Variants in XAF1 observed in about 807,000 individuals in gnomAD.
XAF1 encodes the protein XIAP-associated factor 1.
Under a neutral mutation model 32.3 loss-of-function variants are expected in XAF1, and 32 were observed. The observed-to-expected ratio is 0.99, with a 90% CI of 0.75 to 1.33. The LOEUF (loss-of-function observed/expected upper bound fraction) is 1.33, where lower values mean the gene tolerates loss of function less well. Ranked by LOEUF, XAF1 falls within the 40% of genes most tolerant of loss-of-function variation. XAF1 has a pLI of 0.00. For missense variants in XAF1, 379 were observed against 366.0 expected (o/e 1.04, Z -0.29); for synonymous variants, 120 against 125.9 (o/e 0.95, Z 0.31).
chr17:6,760,034 C>T (rs903801232), intron 3 of XAF1, among the ~76,000 whole-genome samples: 22 of 152,288 alleles, frequency 1.4e-4, no homozygotes, highest in African/African-American at 5.3e-4. Context: ...GGCACAAGTC[C>T]TTGATCTGCC....
intron 1 of XAF1, among the ~76,000 whole-genome samples, chr17:6,757,785 T>A (rs1974809209): frequency 6.6e-6 from 1 of 152,146 alleles, no homozygotes; most frequent in Non-Finnish European, 1.5e-5. Flanking sequence ...GTAATTGAGA[T>A]AATGAAGCTT....
chr17:6,755,997 G>A, upstream of XAF1: 1 of 1,610,744 alleles, frequency 6.2e-7, no homozygotes, highest in Non-Finnish European at 8.5e-7. Context: ...GAAGCTGTGG[G>A]CTGGGCCATC....
At chr17:6,758,709 C>T (rs1455434778) in intron 2 of XAF1, 1 of 284,304 alleles carries the variant, frequency 3.5e-6, no homozygotes, top group Admixed American at 5.3e-5. Flanking sequence ...GGGTCCAGTC[C>T]TCCCTGCAGG....
At chr17:6,766,253 C>T (rs1567657398) in intron 5 of XAF1, among the ~76,000 whole-genome samples, 1 of 152,160 alleles carries the variant, frequency 6.6e-6, no homozygotes, top group South Asian at 2.1e-4. Context: ...TAGCATTTGC[C>T]AACTTCTAAC....
At chr17:6,758,295 G>C in intron 2 of XAF1, 71 bp downstream of exon 2, 1 of 1,585,052 alleles carries the variant, frequency 6.3e-7, no homozygotes, top group Non-Finnish European at 8.6e-7. Flanking sequence ...CAGGTGAGAT[G>C]GGGTCTGAGA....
At chr17:6,759,400 C>T (rs903369074) in intron 2 of XAF1, 10 of 1,371,140 alleles carry the variant, frequency 7.3e-6, no homozygotes, top group Non-Finnish European at 8.4e-6. Context: ...CATGTCCATT[C>T]CTCCTGGGGC....
At chr17:6,757,640 T>C (rs1478440380) in intron 1 of XAF1, among the ~76,000 whole-genome samples, 1 of 152,218 alleles carries the variant, frequency 6.6e-6, no homozygotes, top group Non-Finnish European at 1.5e-5. Flanking sequence ...TTATTTACAT[T>C]ATTTAAAATG....
Position 6,773,274 on chromosome 17 carries a change from C to T in XAF1, c.*105C>T. 2.9e-6 allele frequency: 3 copies of T among 1,037,168 alleles called. No individual in the cohort carries two copies. The highest frequency in any genetic ancestry group is 2.8e-5 in the East Asian group (1 of 35,692). The allele number at this position is 1,037,168 out of a possible 1,614,324, so 64.2% of individuals were successfully genotyped here. A position where few individuals can be genotyped will look rare whatever the true frequency, so the allele number is the denominator to read the frequency against. ...CTTGTGAAAGGTGATGGGTTTTATTCGTTGGGCTTTAAAAGAAAAGGTTTG... is the reference window on the plus strand; with the variant it reads ...CTTGTGAAAGGTGATGGGTTTTATTTGTTGGGCTTTAAAAGAAAAGGTTTG... On this transcript the variant is annotated 3_prime_UTR_variant, in exon 7 of 7. Transcript: ENST00000361842.
chr17:6,762,160 A>G lies in XAF1; in HGVS notation c.427A>G (p.Arg143Gly). The change falls in exon 5 of 7, where the codon AGA becomes GGA. Residue 143 changes from arginine to glycine, a missense_variant. Arg to Gly is a moderately radical substitution (Grantham distance 125). Coordinates refer to ENST00000361842, the MANE Select transcript of XAF1 (RefSeq NM_017523.5). ...SEQAQLGKGERISAPEREIYC... is the reference protein window; with the variant it reads ...SEQAQLGKGEGISAPEREIYC... The stretch of plus-strand genomic sequence containing the variant: ...TTGTTTCTCTGCTTATTCAGGGGAA[A>G]GAATTTCAGCTCCTGAAAGGGAAAT... The G allele has an allele frequency of 6.2e-7, 1 of 1,613,110 alleles. No homozygotes were observed. Among genetic ancestry groups the G allele is most frequent in the African/African-American group, 1.3e-5 (1 of 75,000 alleles).
At chr17:6,767,373 C>A (rs1222391100) in intron 5 of XAF1, among the ~76,000 whole-genome samples, 1 of 152,088 alleles carries the variant, frequency 6.6e-6, no homozygotes, top group Non-Finnish European at 1.5e-5. Context: ...AGGTTGATTT[C>A]TTTGAAATCA....
Position 6,770,653 on chromosome 17 carries a change from G to T in XAF1, c.518G>T (p.Cys173Phe). Reference protein sequence around the residue: ...NKYFHHMGKCCPDSEFKKHFP... With the variant: ...NKYFHHMGKCFPDSEFKKHFP... ...TATTCACAATTGCAGGGTAAATGTT[G>T]TCCAGACTCAGAGTTTAAGAAACAC... is the stretch of plus-strand genomic sequence containing the variant. The change falls in exon 6 of 7, where the codon TGT becomes TTT. Residue 173 changes from cysteine to phenylalanine, a missense_variant. Transcript: ENST00000361842. 1 of 1,590,452 alleles carries T rather than the reference G, an allele frequency of 6.3e-7. No individual in the cohort carries two copies. The highest frequency in any genetic ancestry group is 1.4e-5 in the African/African-American group (1 of 73,588).
At chr17:6,759,641 T>C in intron 2 of XAF1, 21 bp from the exon 3 acceptor site, 2 of 1,608,088 alleles carry the variant, frequency 1.2e-6, no homozygotes, top group Non-Finnish European at 1.7e-6. Context: ...TGTGTGTGTG[T>C]GTGTGTGTGT....
intron 2 of XAF1, 34 bp from the exon 3 acceptor site, chr17:6,759,628 T>TGG: frequency 1.9e-6 from 3 of 1,581,792 alleles, no homozygotes; most frequent in African/African-American, 1.5e-5. Flanking sequence ...GACCCACATC[T>TGG]GGTGTGTGTG....
At chr17:6,759,903 T>C in intron 3 of XAF1, 185 bp downstream of exon 3, 3 of 1,008,130 alleles carry the variant, frequency 3.0e-6, no homozygotes, top group Middle Eastern at 2.3e-4. Flanking sequence ...CCCCAGATAC[T>C]GATCAGAAGG....
chr17:6,758,635 G>C (rs1411144298), intron 2 of XAF1: 3 of 335,688 alleles, frequency 8.9e-6, no homozygotes, highest in Non-Finnish European at 1.8e-5. Flanking sequence ...GGTGAGATGG[G>C]GTCTGGGAGG....
chr17:6,757,145 G>C (rs929435172), intron 1 of XAF1, among the ~76,000 whole-genome samples: 1 of 152,116 alleles, frequency 6.6e-6, no homozygotes, highest in East Asian at 1.9e-4. Flanking sequence ...GGGATTACAG[G>C]CGTGCACCGC....
At chr17:6,765,674 T>C (rs952470716) in intron 5 of XAF1, among the ~76,000 whole-genome samples, 1 of 152,182 alleles carries the variant, frequency 6.6e-6, no homozygotes, top group Non-Finnish European at 1.5e-5. Flanking sequence ...AATCTCAGGT[T>C]CACTCTCGAC....
In XAF1 at chr17:6,758,206, C is replaced by G; in HGVS notation, c.150C>G (p.Cys50Trp). 1 of 1,614,184 alleles carries G rather than the reference C, an allele frequency of 6.2e-7. No individual in the cohort carries two copies. Among genetic ancestry groups the G allele is most frequent in the Non-Finnish European group, 8.5e-7 (1 of 1,180,034 alleles). The change falls in exon 2 of 7, where the codon TGC becomes TGG. Residue 50 changes from cysteine to tryptophan, a missense_variant. Physicochemically the swap from Cys to Trp is radical, Grantham distance 215. Coordinates refer to ENST00000361842, the MANE Select transcript of XAF1 (RefSeq NM_017523.5). ...PVPKETMEEH[C>W]KLEHQQVGCT... ...CCAAGGAAACCATGGAGGAGCACTG[C>G]AAGCTTGAGCACCAGCAGGTGAGGA...
upstream of XAF1, chr17:6,756,034 C>T (rs768310496): frequency 4.3e-6 from 7 of 1,613,536 alleles, no homozygotes; most frequent in Non-Finnish European, 5.9e-6. Context: ...TGTTTCCTTG[C>T]CTGCAAGAAA....
Sources: gnomAD v4.1 joint callset for allele counts (sites outside exome capture counted in the v4.1 genomes callset) on GRCh38, gnomAD v4.1.1 for gene constraint, MANE v1.5 for transcripts, NCBI Gene and HGNC (gene_info 2026-07-23, HGNC 2026-07-21) for gene names.